FBXO15: variants seen among roughly 807,000 people sequenced by gnomAD.
The protein encoded by FBXO15 is F-box only protein 15.
Under a neutral mutation model 49.5 loss-of-function variants are expected in FBXO15, and 30 were observed. The ratio of observed to expected loss-of-function variants is 0.61; its 90% CI spans 0.45 to 0.82. The LOEUF (loss-of-function observed/expected upper bound fraction) is 0.82, where lower values mean the gene tolerates loss of function less well. Among genes scored for constraint, FBXO15 ranks in the 40% least tolerant of loss-of-function variants. The pLI is 0.00. For missense variants in FBXO15, 591 were observed against 631.5 expected, an observed-to-expected ratio of 0.94 and a Z score of 0.69; for synonymous variants, 250 against 232.7, an observed-to-expected ratio of 1.07 and a Z score of -0.68.
At chr18:74,140,783 T>C (rs1319533357) in intron 1 of FBXO15, 1 of 154,088 alleles carries the variant, frequency 6.5e-6, no homozygotes, top group African/African-American at 2.4e-5. Flanking sequence ...GCTTTCAACA[T>C]GTCAAAGAGG....
At chr18:74,109,668 T>C (rs1214085987) in intron 8 of FBXO15, among the ~76,000 whole-genome samples, 1 of 152,194 alleles carries the variant, frequency 6.6e-6, no homozygotes, top group Admixed American at 6.5e-5. Flanking sequence ...GATGAGTTCA[T>C]GTCCTTTGCA....
intron 8 of FBXO15, among the ~76,000 whole-genome samples, chr18:74,101,055 A>G (rs1312377264): frequency 6.6e-6 from 1 of 152,168 alleles, no homozygotes; most frequent in Non-Finnish European, 1.5e-5. Context: ...AGATCATTCT[A>G]TGAAGCCAGT....
chr18:74,102,643 A>G (rs1913573903), intron 8 of FBXO15, among the ~76,000 whole-genome samples: 1 of 152,216 alleles, frequency 6.6e-6, no homozygotes, highest in Non-Finnish European at 1.5e-5. Flanking sequence ...TACAAAAAAG[A>G]TACTTGCTCA....
In FBXO15 at chr18:74,147,692, GC is replaced by G; in HGVS notation, c.93del (p.Arg32AlafsTer22). On this transcript the variant is annotated frameshift_variant, in exon 1 of 10. Coordinates refer to ENST00000419743, the MANE Select transcript of FBXO15 (RefSeq NM_001142958.2). LOFTEE classifies it high-confidence loss of function. ...CACCTGCACCCAAAGGCCCTGGCGCGCCCCCGGGCCGCGCCACCGCCCCTGC... is the reference window on the plus strand; with the variant it reads ...CACCTGCACCCAAAGGCCCTGGCGCGCCCCGGGCCGCGCCACCGCCCCTGC... ...GPSRGGGAARGRARAFGCRKG... is the reference protein window; with the variant it reads ...GPSRGGGAARXRARAFGCRKG... 2.0e-6 allele frequency: 3 copies of G among 1,500,184 alleles called. No individual in the cohort carries two copies. The highest frequency in any genetic ancestry group is 2.3e-5 in the Admixed American group (1 of 44,048). 92.9% of individuals were successfully genotyped at this position (1,500,184 alleles called of 1,614,324 possible).
chr18:74,083,563 A>G (rs972872926), intron 8 of FBXO15, among the ~76,000 whole-genome samples: 21 of 152,228 alleles, frequency 1.4e-4, no homozygotes, highest in African/African-American at 4.8e-4. Context: ...TGTCCCCAGG[A>G]CACGGCAGAA....
intron 8 of FBXO15, among the ~76,000 whole-genome samples, chr18:74,109,298 A>G (rs1042063735): frequency 4.6e-5 from 7 of 152,208 alleles, no homozygotes; most frequent in African/African-American, 1.7e-4. Context: ...CACGCCAGTT[A>G]GAATGGTGAT....
intron 9 of FBXO15, among the ~76,000 whole-genome samples, chr18:74,080,649 G>A (rs895735124): frequency 1.9e-4 from 29 of 152,224 alleles, no homozygotes; most frequent in Non-Finnish European, 5.9e-5. Flanking sequence ...ATCTGTGAGT[G>A]CATCTGCTGC....
chr18:74,130,548 T>A lies in FBXO15; in HGVS notation c.443A>T (p.Asp148Val), dbSNP rs778959790. Residue 148 changes from aspartate (D) to valine (V), a missense_variant, in exon 4 of 10, where the codon GAT becomes GTT. Physicochemically the swap from Asp to Val is radical, Grantham distance 152. Coordinates refer to ENST00000419743, the MANE Select transcript of FBXO15 (RefSeq NM_001142958.2). ...AMSMSFLSVQ[D>V]KEAGYWKKEY... is the part of the protein sequence containing the mutation. Reference sequence around the variant, plus strand: ...TTTCTTCCAATAACCAGCTTCTTTATCCTGAACTGACAGAAAGCTCATAGA... The same window carrying A: ...TTTCTTCCAATAACCAGCTTCTTTAACCTGAACTGACAGAAAGCTCATAGA... 1.2e-6 allele frequency: 2 copies of A among 1,614,200 alleles called. No individual in the cohort carries two copies. Among genetic ancestry groups the A allele is most frequent in the South Asian group, 1.1e-5 (1 of 91,084 alleles).
At chr18:74,088,689 C>CT (rs1177468532) in intron 8 of FBXO15, among the ~76,000 whole-genome samples, 1 of 152,106 alleles carries the variant, frequency 6.6e-6, no homozygotes, top group Non-Finnish European at 1.5e-5. Context: ...TATTTGGGCT[C>CT]TTTTTTTGTT....
At chr18:74,136,585 T>C (rs780544849) in intron 2 of FBXO15, among the ~76,000 whole-genome samples, 9 of 152,210 alleles carry the variant, frequency 5.9e-5, no homozygotes, top group Non-Finnish European at 1.3e-4. Flanking sequence ...TTTTCACTGC[T>C]TCGTCTGGGG....
intron 8 of FBXO15, among the ~76,000 whole-genome samples, chr18:74,092,712 C>A (rs1174888448): frequency 6.6e-6 from 1 of 152,158 alleles, no homozygotes. Flanking sequence ...ATGACCCCAG[C>A]TTTGTTCTTT....
chr18:74,117,723 C>T (rs2145177857), intron 8 of FBXO15, among the ~76,000 whole-genome samples: 1 of 152,272 alleles, frequency 6.6e-6, no homozygotes, highest in South Asian at 2.1e-4. Context: ...TAACACGAAA[C>T]ATTTAGCAGA....
intron 5 of FBXO15, 58 bp from the exon 6 acceptor site, chr18:74,126,159 T>C: frequency 1.9e-6 from 3 of 1,598,864 alleles, no homozygotes; most frequent in Non-Finnish European, 8.5e-7. Flanking sequence ...GTCCATAGTG[T>C]TGTCAATTCT....
At chr18:74,089,296 G>C (rs1912907679) in intron 8 of FBXO15, among the ~76,000 whole-genome samples, 1 of 152,200 alleles carries the variant, frequency 6.6e-6, no homozygotes, top group African/African-American at 2.4e-5. Context: ...TTTGTATCCT[G>C]AAACTTCGGT....
At chr18:74,083,324 A>ATCACCTCG (rs1446457501) in intron 8 of FBXO15, among the ~76,000 whole-genome samples, 2 of 152,226 alleles carry the variant, frequency 1.3e-5, no homozygotes, top group African/African-American at 4.8e-5. Context: ...CTGTCACCTC[A>ATCACCTCG]TCACCTCGTC....
chr18:74,092,017 C>T (rs185851248), intron 8 of FBXO15, among the ~76,000 whole-genome samples: 12 of 152,188 alleles, frequency 7.9e-5, no homozygotes, highest in East Asian at 1.9e-4. Context: ...TCAGGGAGGC[C>T]GATGCATCGT....
intron 8 of FBXO15, among the ~76,000 whole-genome samples, chr18:74,095,689 C>T (rs1913242688): frequency 6.6e-6 from 1 of 152,274 alleles, no homozygotes; most frequent in South Asian, 2.1e-4. Context: ...GAATTACCAA[C>T]ATGTGACATA....
intron 9 of FBXO15, among the ~76,000 whole-genome samples, chr18:74,078,978 G>A (rs1026684378): frequency 2.6e-5 from 4 of 152,150 alleles, no homozygotes; most frequent in South Asian, 4.1e-4. Context: ...CATGGGCCAC[G>A]GCCACCCACA....
rs555016884 is a variant in FBXO15, at chr18:74,091,831, C to T, written c.1139-9780G>A. On this transcript the variant is annotated intron_variant, in intron 8 of 9. Coordinates refer to ENST00000419743, the MANE Select transcript of FBXO15 (RefSeq NM_001142958.2). ...TTTAATGTTTTTTCTTTCATTTTGA[C>T]CTTGGAGAATCCGATGACTACATGT... is the stretch of plus-strand genomic sequence containing the variant. Among the ~76,000 whole-genome samples, 276 of 152,244 alleles carry T rather than the reference C, an allele frequency of 1.8e-3. 1 individual carries two copies. Among genetic ancestry groups the T allele is most frequent in the Non-Finnish European group, 1.0e-3 (68 of 68,020 alleles).
Sources: gnomAD v4.1 joint callset for allele counts (sites outside exome capture counted in the v4.1 genomes callset) on GRCh38, gnomAD v4.1.1 for gene constraint, MANE v1.5 for transcripts, NCBI Gene and HGNC (gene_info 2026-07-23, HGNC 2026-07-21) for gene names.